Variants in NCKAP5 observed in about 807,000 individuals in gnomAD.
NCKAP5 encodes nck-associated protein 5.
In NCKAP5, 92 loss-of-function variants were observed where a neutral mutation model predicts 167.0. That is an observed-to-expected ratio of 0.55 (90% CI 0.47 to 0.66). The LOEUF (loss-of-function observed/expected upper bound fraction) is 0.66, where lower values mean the gene tolerates loss of function less well. Among genes scored for constraint, NCKAP5 ranks in the 30% least tolerant of loss-of-function variants. The pLI is 0.00. For synonymous variants in NCKAP5, 891 were observed against 877.4 expected (o/e 1.02, Z -0.27); for missense variants, 2,378 against 2,315.0 (o/e 1.03, Z -0.56).
At chr2:132,696,851 G>C (rs1462782300) in intron 19 of NCKAP5, among the ~76,000 whole-genome samples, 4 of 152,120 alleles carry the variant, frequency 2.6e-5, no homozygotes, top group African/African-American at 9.7e-5. Flanking sequence ...ATTCCAGGGT[G>C]GTGGGTGGTC....
intron 6 of NCKAP5, among the ~76,000 whole-genome samples, chr2:133,069,870 A>ATAT (rs1559108725): frequency 6.0e-5 from 9 of 151,256 alleles, no homozygotes; most frequent in African/African-American, 2.2e-4. Context: ...ATTTATTAAA[A>ATAT]ATATATATAT....
At chr2:133,208,775 T>C (rs986342993) in intron 5 of NCKAP5, among the ~76,000 whole-genome samples, 3 of 152,118 alleles carry the variant, frequency 2.0e-5, no homozygotes, top group African/African-American at 4.8e-5. Flanking sequence ...ACAAAAACAC[T>C]CTAGACTATA....
At chr2:132,769,386 G>T (rs529555665) in intron 16 of NCKAP5, among the ~76,000 whole-genome samples, 1 of 152,098 alleles carries the variant, frequency 6.6e-6, no homozygotes, top group African/African-American at 2.4e-5. Flanking sequence ...AGTTAATATT[G>T]GTTAAAAGAA....
At chr2:132,762,687 CT>C (rs1427660850) in intron 16 of NCKAP5, among the ~76,000 whole-genome samples, 1 of 152,232 alleles carries the variant, frequency 6.6e-6, no homozygotes, top group African/African-American at 2.4e-5. Flanking sequence ...CATTACTCTT[CT>C]CTTTCTTAAA....
Position 132,731,936 on chromosome 2 carries a change from A to G in NCKAP5, c.5244T>C (p.Ala1748=), listed in dbSNP as rs1574022398. 6.2e-7 allele frequency: 1 copy of G among 1,613,980 alleles called. No individual in the cohort carries two copies. The highest frequency in any genetic ancestry group is 1.1e-5 in the South Asian group (1 of 91,084). The change falls in exon 17 of 20, where the codon GCT becomes GCC. Residue 1748 remains alanine, a synonymous_variant. Transcript: ENST00000409261. ...YLCQPDSPED[A]EPLLPLQSAL... The stretch of plus-strand genomic sequence containing the variant: ...CTGACTGGAGAGGCAGGAGAGGCTC[A>G]GCGTCCTCTGGGGAGTCTGGCTGGC...
chr2:133,568,059 C>A (rs1370961018), intron 1 of NCKAP5, among the ~76,000 whole-genome samples, 157 bp downstream of exon 1: 1 of 152,148 alleles, frequency 6.6e-6, no homozygotes, highest in African/African-American at 2.4e-5. Flanking sequence ...CACTTTAGGG[C>A]CCTATAGTTA....
At chr2:133,036,415 C>T (rs1316371191) in intron 6 of NCKAP5, among the ~76,000 whole-genome samples, 1 of 151,922 alleles carries the variant, frequency 6.6e-6, no homozygotes, top group African/African-American at 2.4e-5. Context: ...ATGCAAAAAT[C>T]CTTAACAAAT....
At chr2:133,590,228 C>T in the NCKAP5 span, among the ~76,000 whole-genome samples, 29 of 152,190 alleles carry the variant, frequency 1.9e-4, no homozygotes, top group South Asian at 5.6e-3. Context: ...CGGTGGCTCA[C>T]GCCTGTAATT....
chr2:133,029,386 G>T (rs1021341380), intron 6 of NCKAP5, among the ~76,000 whole-genome samples: 6 of 152,084 alleles, frequency 3.9e-5, no homozygotes, highest in Non-Finnish European at 5.9e-5. Flanking sequence ...AAAGTAACTT[G>T]CCCCAGACCA....
chr2:133,255,581 G>T (rs72985682), intron 4 of NCKAP5, among the ~76,000 whole-genome samples: 8 of 152,104 alleles, frequency 5.3e-5, no homozygotes. Flanking sequence ...GAATGGATAC[G>T]AAATGAGGTC....
intron 3 of NCKAP5, among the ~76,000 whole-genome samples, chr2:133,491,505 G>A (rs1681439568): frequency 6.6e-6 from 1 of 152,156 alleles, no homozygotes; most frequent in Non-Finnish European, 1.5e-5. Context: ...GTAGGCTAGG[G>A]AAAGACAGGA....
chr2:133,102,220 C>T (rs2081537411), intron 6 of NCKAP5, among the ~76,000 whole-genome samples: 1 of 152,150 alleles, frequency 6.6e-6, no homozygotes, highest in South Asian at 2.1e-4. Context: ...GATCTCGGCT[C>T]TCTGCAACCT....
At chr2:132,946,491 GC>G (rs1213313194) in intron 8 of NCKAP5, among the ~76,000 whole-genome samples, 2 of 152,278 alleles carry the variant, frequency 1.3e-5, no homozygotes, top group East Asian at 3.9e-4. Context: ...TACTCTCACT[GC>G]CCCTACATGT....
intron 6 of NCKAP5, among the ~76,000 whole-genome samples, chr2:133,052,129 G>T (rs1481694404): frequency 6.6e-6 from 1 of 152,132 alleles, no homozygotes; most frequent in African/African-American, 2.4e-5. Context: ...AAATTTCTTG[G>T]TTTACAAGTT....
chr2:133,193,458 A>G (rs2150089447), intron 5 of NCKAP5, among the ~76,000 whole-genome samples: 1 of 152,262 alleles, frequency 6.6e-6, no homozygotes, highest in South Asian at 2.1e-4. Flanking sequence ...GTGAATGTAC[A>G]GTAGTTATCT....
intron 5 of NCKAP5, among the ~76,000 whole-genome samples, chr2:133,169,893 ATCC>A (rs1459206480): frequency 6.6e-6 from 1 of 152,212 alleles, no homozygotes. Context: ...AGCATAAGGC[ATCC>A]CTGTGCCACT....
intron 5 of NCKAP5, among the ~76,000 whole-genome samples, chr2:133,141,530 G>A (rs538392320): frequency 5.3e-4 from 81 of 152,038 alleles, no homozygotes; most frequent in Middle Eastern, 3.4e-3. Flanking sequence ...TAGAGTATTC[G>A]CTATAATTAT....
chr2:133,028,797 T>C (rs147240711), intron 6 of NCKAP5, among the ~76,000 whole-genome samples: 1 of 152,172 alleles, frequency 6.6e-6, no homozygotes, highest in African/African-American at 2.4e-5. Context: ...CGGTGATGAA[T>C]TTCTCATGGA....
rs60589235 is a variant in NCKAP5 at position 132,965,904 on chromosome 2, TTGTGTGTGTG to T, written c.430-2045_430-2036del. 5.1e-3 allele frequency among the ~76,000 whole-genome samples: 719 copies of T among 140,952 alleles called. 1 individual carries two copies. Among genetic ancestry groups the T allele is most frequent in the African/African-American group, 0.018 (672 of 38,178 alleles). 92.5% of individuals were successfully genotyped at this position (140,952 alleles called of 152,430 possible). ...ACATCTTTATAAGGTACATGACTCT[TTGTGTGTGTG>T]TGTGTGTGTGTGTGTGTGTGTGTGT... On this transcript the variant is annotated intron_variant, in intron 7 of 19. Transcript: ENST00000409261.
Sources: allele counts gnomAD v4.1 joint callset (sites outside exome capture counted in the v4.1 genomes callset), GRCh38; gene constraint gnomAD v4.1.1; transcripts MANE v1.5; gene names NCBI Gene and HGNC (gene_info 2026-07-23, HGNC 2026-07-21).